Variants in BPIFA2 observed in about 807,000 individuals in gnomAD.
BPIFA2 encodes BPI fold containing family A member 2.
Under a neutral mutation model 25.7 loss-of-function variants are expected in BPIFA2, and 20 were observed. That is an observed-to-expected ratio of 0.78 (90% CI 0.55 to 1.13). The LOEUF is 1.13. BPIFA2 is among the 50% of genes most tolerant of loss of function. BPIFA2 has a pLI of 0.00. For missense variants in BPIFA2, 300 were observed against 298.1 expected, an observed-to-expected ratio of 1.01 and a Z score of -0.05; for synonymous variants, 126 against 124.3, an observed-to-expected ratio of 1.01 and a Z score of -0.09.
In BPIFA2 at chr20:33,174,087, T is replaced by C. The variant is rs145588274; in HGVS notation, c.311T>C (p.Ile104Thr). ...PTNTDIFGLKISNSLILDVKA... is the reference protein window; with the variant it reads ...PTNTDIFGLKTSNSLILDVKA... ...TTGTGGGTTTCACACAGGTTGAAAA[T>C]CAGCAACTCCCTCATCCTGGATGTC... The change falls in exon 4 of 9, where the codon ATC becomes ACC. Residue 104 changes from isoleucine (I) to threonine (T), a missense_variant. Physicochemically the swap from Ile to Thr is moderately conservative, Grantham distance 89. Transcript: ENST00000354932. 36 of 1,613,824 alleles carry C rather than the reference T, an allele frequency of 2.2e-5. No individual in the cohort carries two copies. The highest frequency in any genetic ancestry group is 2.7e-5 in the Non-Finnish European group (32 of 1,179,930).
chr20:33,170,653 C>T (rs778810546), intron 2 of BPIFA2, among the ~76,000 whole-genome samples: 12 of 152,168 alleles, frequency 7.9e-5, no homozygotes, highest in Admixed American at 2.0e-4. Flanking sequence ...CTTGGCCTCC[C>T]GAAGTACTGG....
chr20:33,175,687 C>G (rs896184295), intron 5 of BPIFA2, 128 bp downstream of exon 5: 2 of 1,043,210 alleles, frequency 1.9e-6, no homozygotes, highest in Admixed American at 5.7e-5. Flanking sequence ...TCATGTTGAC[C>G]TTGGTTTACA....
chr20:33,172,687 T>C (rs923313221), intron 2 of BPIFA2, among the ~76,000 whole-genome samples: 3 of 152,146 alleles, frequency 2.0e-5, no homozygotes, highest in African/African-American at 7.2e-5. Context: ...TATATATTAT[T>C]AATAGTACGG....
At chr20:33,170,777 T>C (rs993252085) in intron 2 of BPIFA2, among the ~76,000 whole-genome samples, 2 of 152,198 alleles carry the variant, frequency 1.3e-5, no homozygotes, top group Non-Finnish European at 1.5e-5. Context: ...AATTATTGCT[T>C]TCTTTTGGTG....
intron 4 of BPIFA2, 76 bp downstream of exon 4, chr20:33,174,262 G>T: frequency 1.5e-6 from 2 of 1,315,904 alleles, no homozygotes; most frequent in East Asian, 2.3e-5. Context: ...TGGGAATCGG[G>T]CACCTCCTCC....
At chr20:33,179,790 G>A (rs1984211686) in intron 7 of BPIFA2, 123 bp downstream of exon 7, 9 of 999,758 alleles carry the variant, frequency 9.0e-6, no homozygotes, top group African/African-American at 1.6e-5. Flanking sequence ...AGCAAATTGG[G>A]AGCCATGGCT....
intron 2 of BPIFA2, among the ~76,000 whole-genome samples, chr20:33,170,273 T>C (rs1983855874): frequency 6.6e-6 from 1 of 152,226 alleles, no homozygotes; most frequent in African/African-American, 2.4e-5. Context: ...GTTACAATAT[T>C]ATGATTACAT....
At chr20:33,164,313 G>A (rs1983659411), upstream of BPIFA2, among the ~76,000 whole-genome samples, 1 of 152,300 alleles carries the variant, frequency 6.6e-6, no homozygotes, top group South Asian at 2.1e-4. Flanking sequence ...CAAATTCCAG[G>A]GAGTGAGGTG....
intron 2 of BPIFA2, among the ~76,000 whole-genome samples, chr20:33,170,377 T>C (rs903619572): frequency 1.1e-4 from 16 of 152,174 alleles, no homozygotes; most frequent in South Asian, 4.1e-4. Context: ...CATATATACT[T>C]AATTATTTTC....
intron 2 of BPIFA2, among the ~76,000 whole-genome samples, chr20:33,169,556 C>T (rs1247496815): frequency 2.0e-5 from 3 of 152,186 alleles, no homozygotes; most frequent in African/African-American, 7.2e-5. Context: ...AGTTCAAAAA[C>T]TATGCTGTTG....
intron 3 of BPIFA2, 34 bp from the exon 4 acceptor site, chr20:33,174,045 G>T (rs1329826370): frequency 5.1e-6 from 8 of 1,570,864 alleles, no homozygotes; most frequent in Non-Finnish European, 7.0e-6. Flanking sequence ...GCTGTCATGA[G>T]GAGTGACAAG....
intron 4 of BPIFA2, 140 bp from the exon 5 acceptor site, chr20:33,175,267 T>C (rs1215813520): frequency 1.2e-6 from 1 of 816,132 alleles, no homozygotes; most frequent in Admixed American, 2.7e-5. Context: ...ATAGAGGATA[T>C]GGACCATGTT....
chr20:33,169,068 C>T lies in BPIFA2; in HGVS notation c.-15-63C>T, dbSNP rs572122523. On this transcript the variant is annotated intron_variant, in intron 1 of 8. Coordinates refer to ENST00000354932, the MANE Select transcript of BPIFA2 (RefSeq NM_080574.4). ...TGCTAAATGTTAAGAGTGATGGGAA[C>T]TCACTGAAGAGTCCATTTCCCTCTG... The T allele has an allele frequency of 1.8e-4, 246 of 1,345,870 alleles. 5 individuals are homozygous for T. In the East Asian group the frequency reaches 5.6e-3, roughly 31 times the overall value. The allele number at this position is 1,345,870 out of a possible 1,614,324, so 83.4% of individuals were successfully genotyped here.
chr20:33,171,870 C>T (rs1983908019), intron 2 of BPIFA2, among the ~76,000 whole-genome samples: 1 of 152,222 alleles, frequency 6.6e-6, no homozygotes, highest in South Asian at 2.1e-4. Context: ...CCATTTGACC[C>T]AGCAATCCCA....
chr20:33,179,360 G>A (rs1453489676), intron 6 of BPIFA2, among the ~76,000 whole-genome samples: 1 of 151,754 alleles, frequency 6.6e-6, no homozygotes, highest in Non-Finnish European at 1.5e-5. Flanking sequence ...AATCTGGGAG[G>A]CGGAGGTTGC....
At chr20:33,177,938 T>C (rs1014039607) in intron 5 of BPIFA2, among the ~76,000 whole-genome samples, 1 of 152,126 alleles carries the variant, frequency 6.6e-6, no homozygotes, top group Admixed American at 6.5e-5. Context: ...GCGCTGAGAA[T>C]CTCATGAGGC....
rs866044189 is a variant in BPIFA2, at chr20:33,173,144, A to T, written c.302+68A>T. On this transcript the variant is annotated intron_variant, in intron 3 of 8. Transcript: ENST00000354932. Reference sequence around the variant, plus strand: ...GGGAAAACATATCTTTGAGGAGGTAAGTTTAAGATGAAAGACAGATGGACA... The same window carrying T: ...GGGAAAACATATCTTTGAGGAGGTATGTTTAAGATGAAAGACAGATGGACA... The T allele has an allele frequency of 6.5e-6, 10 of 1,546,944 alleles. No individual in the cohort carries two copies. The Middle Eastern group carries it at 1.4e-3, about 214-fold the overall frequency.
upstream of BPIFA2, among the ~76,000 whole-genome samples, chr20:33,165,117 G>T (rs1026662858): frequency 6.6e-6 from 1 of 152,226 alleles, no homozygotes; most frequent in African/African-American, 2.4e-5. Context: ...TGAATTAAAG[G>T]TCTTCAGACT....
intron 6 of BPIFA2, 91 bp from the exon 7 acceptor site, chr20:33,179,513 T>A (rs1239536072): frequency 2.0e-6 from 2 of 1,019,098 alleles, no homozygotes; most frequent in African/African-American, 3.2e-5. Context: ...AGCTCATCTG[T>A]GGGTGGCAAG....
Sources: allele counts gnomAD v4.1 joint callset (sites outside exome capture counted in the v4.1 genomes callset), GRCh38; gene constraint gnomAD v4.1.1; transcripts MANE v1.5; gene names NCBI Gene and HGNC (gene_info 2026-07-23, HGNC 2026-07-21).